Variants in SV2C observed in about 807,000 individuals in gnomAD.
SV2C encodes the protein synaptic vesicle glycoprotein 2C.
SV2C carries 49 observed loss-of-function variants against 79.7 expected under a neutral mutation model. The ratio of observed to expected loss-of-function variants is 0.61; its 90% CI spans 0.49 to 0.78. The LOEUF is 0.78. Ranked by LOEUF, SV2C falls within the 30% of genes least tolerant of loss-of-function variation. The pLI is 0.00. For missense variants in SV2C, 833 were observed against 912.9 expected (o/e 0.91, Z 1.13); for synonymous variants, 334 against 333.2 (o/e 1.00, Z -0.03).
At chr5:76,009,193 G>C in the SV2C span, among the ~76,000 whole-genome samples, 4 of 152,218 alleles carry the variant, frequency 2.6e-5, no homozygotes, top group South Asian at 4.2e-4. Context: ...TCAGAGAAAT[G>C]CAAATTAAAA....
At chr5:76,100,969 G>T (rs1341327809) in intron 1 of SV2C, among the ~76,000 whole-genome samples, 1 of 152,204 alleles carries the variant, frequency 6.6e-6, no homozygotes, top group African/African-American at 2.4e-5. Context: ...CTGGGGGTTG[G>T]GGGGAGTGCA....
the SV2C span, among the ~76,000 whole-genome samples, chr5:75,949,612 C>T: frequency 1.6e-3 from 247 of 152,120 alleles, 1 homozygote; most frequent in Admixed American, 4.5e-3. Context: ...GAATATGTCT[C>T]ACCAGATCTG....
At chr5:76,130,881 G>A (rs1470835335) in intron 1 of SV2C, among the ~76,000 whole-genome samples, 1 of 152,122 alleles carries the variant, frequency 6.6e-6, no homozygotes, top group Non-Finnish European at 1.5e-5. Flanking sequence ...GTGGGGTTGT[G>A]AAGGGACATG....
At chr5:76,028,899 C>T in the SV2C span, among the ~76,000 whole-genome samples, 1 of 152,164 alleles carries the variant, frequency 6.6e-6, no homozygotes, top group Non-Finnish European at 1.5e-5. Context: ...ATGCCTCTAG[C>T]TGAGAAGTAT....
At chr5:76,161,677 T>C (rs1742902236) in intron 2 of SV2C, among the ~76,000 whole-genome samples, 1 of 152,186 alleles carries the variant, frequency 6.6e-6, no homozygotes, top group Non-Finnish European at 1.5e-5. Flanking sequence ...TTTTCCAAAA[T>C]GGATTGTTTT....
At chr5:75,970,941 C>G in the SV2C span, among the ~76,000 whole-genome samples, 7 of 152,050 alleles carry the variant, frequency 4.6e-5, no homozygotes, top group Non-Finnish European at 1.0e-4. Context: ...TACTGGCAAA[C>G]CGAATCCAGC....
chr5:75,849,672 A>G, the SV2C span, among the ~76,000 whole-genome samples: 1 of 152,226 alleles, frequency 6.6e-6, no homozygotes, highest in African/African-American at 2.4e-5. Context: ...ACTACATCAC[A>G]AGGTCAGTAT....
chr5:76,017,038 C>A, the SV2C span, among the ~76,000 whole-genome samples: 1 of 152,186 alleles, frequency 6.6e-6, no homozygotes, highest in African/African-American at 2.4e-5. Context: ...TTATATTTTA[C>A]TTGATTATAA....
the SV2C span, among the ~76,000 whole-genome samples, chr5:75,917,090 C>T: frequency 6.6e-6 from 1 of 152,238 alleles, no homozygotes; most frequent in Non-Finnish European, 1.5e-5. Context: ...TTCCCTATCT[C>T]CCTTCCCACT....
At chr5:76,275,304 G>A (rs1024979923) in intron 4 of SV2C, among the ~76,000 whole-genome samples, 2 of 152,084 alleles carry the variant, frequency 1.3e-5, no homozygotes, top group African/African-American at 4.8e-5. Flanking sequence ...TGGCTAACAC[G>A]GTGAAACCCC....
chr5:76,076,187 A>G, the SV2C span, among the ~76,000 whole-genome samples: 1 of 152,244 alleles, frequency 6.6e-6, no homozygotes, highest in African/African-American at 2.4e-5. Flanking sequence ...AGTTTTTGAA[A>G]AGGTAAATCC....
chr5:75,848,832 T>G, the SV2C span, among the ~76,000 whole-genome samples: 147 of 152,322 alleles, frequency 9.7e-4, no homozygotes, highest in Middle Eastern at 3.4e-3. Flanking sequence ...TTTGAATCCC[T>G]ACTCTGTCAA....
chr5:76,143,962 T>C (rs1749340643), intron 2 of SV2C, among the ~76,000 whole-genome samples: 2 of 152,304 alleles, frequency 1.3e-5, no homozygotes, highest in Admixed American at 1.3e-4. Context: ...GAGGAAATGA[T>C]TCACATAGAG....
At chr5:75,887,068 C>A in the SV2C span, among the ~76,000 whole-genome samples, 1 of 151,942 alleles carries the variant, frequency 6.6e-6, no homozygotes, top group East Asian at 1.9e-4. Context: ...AAATATTTAG[C>A]ATTTATTTCT....
At chr5:76,134,120 G>A (rs1210315995) in intron 2 of SV2C, among the ~76,000 whole-genome samples, 1 of 152,118 alleles carries the variant, frequency 6.6e-6, no homozygotes. Context: ...CCCTGGTGAT[G>A]TTACCCACCC....
At chr5:76,288,017 G>A (rs188053335) in intron 6 of SV2C, among the ~76,000 whole-genome samples, 264 of 151,880 alleles carry the variant, frequency 1.7e-3, no homozygotes, top group African/African-American at 5.3e-3. Context: ...CCCAGGAGGC[G>A]GAGATTGCAG....
chr5:76,175,544 A>G (rs1378365445), intron 2 of SV2C, among the ~76,000 whole-genome samples: 2 of 152,190 alleles, frequency 1.3e-5, no homozygotes, highest in Admixed American at 6.5e-5. Context: ...GAAGAGTAAC[A>G]TGGTGCTAAA....
the SV2C span, among the ~76,000 whole-genome samples, chr5:75,878,158 C>T: frequency 1.3e-5 from 2 of 152,214 alleles, no homozygotes; most frequent in Admixed American, 1.3e-4. Flanking sequence ...TGCTCACAAT[C>T]TAGATGGGTA....
At chr5:75,919,572 C>T in the SV2C span, among the ~76,000 whole-genome samples, 1 of 152,190 alleles carries the variant, frequency 6.6e-6, no homozygotes, top group Admixed American at 6.6e-5. Context: ...AAAATTCTCA[C>T]CTAGCTGTCT....
Sources: allele counts gnomAD v4.1 joint callset (sites outside exome capture counted in the v4.1 genomes callset), GRCh38; gene constraint gnomAD v4.1.1; transcripts MANE v1.5; gene names NCBI Gene and HGNC (gene_info 2026-07-23, HGNC 2026-07-21).